Variants in LPAR1 observed in about 807,000 individuals in gnomAD.
LPAR1 encodes the protein LPA receptor 1.
A neutral mutation model predicts 23.8 loss-of-function variants in LPAR1; 5 were observed. The ratio of observed to expected loss-of-function variants is 0.21; its 90% CI spans 0.11 to 0.44. LPAR1 has a LOEUF of 0.44. Ranked by LOEUF, LPAR1 falls within the 20% of genes least tolerant of loss-of-function variation. The probability of loss-of-function intolerance (pLI) is 0.99; values close to 1 mark genes in which losing one functional copy is unlikely to be tolerated. For synonymous variants in LPAR1, 160 were observed against 164.7 expected, an observed-to-expected ratio of 0.97 and a Z score of 0.22; for missense variants, 311 against 482.8, an observed-to-expected ratio of 0.64 and a Z score of 3.33.
intron 2 of LPAR1, among the ~76,000 whole-genome samples, chr9:111,019,368 A>G (rs773695223): frequency 2.6e-5 from 4 of 152,168 alleles, no homozygotes; most frequent in Non-Finnish European, 4.4e-5. Flanking sequence ...ATTGGTTTTA[A>G]ATAAGTTGAA....
chr9:110,944,354 A>G (rs897442616), intron 4 of LPAR1, among the ~76,000 whole-genome samples: 4 of 152,242 alleles, frequency 2.6e-5, no homozygotes, highest in African/African-American at 9.6e-5. Context: ...TCTATGGACT[A>G]CATGCTAAAT....
At chr9:110,946,279 A>AG (rs2095375165) in intron 4 of LPAR1, among the ~76,000 whole-genome samples, 1 of 152,146 alleles carries the variant, frequency 6.6e-6, no homozygotes, top group Non-Finnish European at 1.5e-5. Flanking sequence ...TGAAAAACAC[A>AG]GCTCCAAACA....
At chr9:110,888,123 C>A (rs1313707281) in intron 5 of LPAR1, among the ~76,000 whole-genome samples, 1 of 152,078 alleles carries the variant, frequency 6.6e-6, no homozygotes, top group African/African-American at 2.4e-5. Context: ...TTTAGAACAA[C>A]AAATCATAAA....
intron 4 of LPAR1, among the ~76,000 whole-genome samples, chr9:110,946,377 T>A (rs1445630608): frequency 6.6e-6 from 1 of 152,136 alleles, no homozygotes; most frequent in African/African-American, 2.4e-5. Flanking sequence ...TAAAAGCAAC[T>A]AAAATGTAGG....
At chr9:110,926,965 A>G (rs891129721) in intron 5 of LPAR1, among the ~76,000 whole-genome samples, 1 of 152,232 alleles carries the variant, frequency 6.6e-6, no homozygotes, top group Non-Finnish European at 1.5e-5. Flanking sequence ...ATCCCAACAC[A>G]AAGATTCTGT....
chr9:111,004,388 T>C (rs7023788), intron 2 of LPAR1, among the ~76,000 whole-genome samples: 37,886 of 152,048 alleles, frequency 0.25, 5,730 homozygotes, highest in Non-Finnish European at 0.34. Flanking sequence ...TCTCTCTCGT[T>C]CCCCTACCCC....
chr9:110,982,855 TACACATACACAC>T (rs1395665364), intron 2 of LPAR1, among the ~76,000 whole-genome samples: 1 of 92,658 alleles, frequency 1.1e-5, no homozygotes, highest in Non-Finnish European at 2.3e-5. Context: ...AAAATGTATA[TACACATACACAC>T]ACACACACAC....
chr9:110,971,757 G>A (rs2096431214), intron 4 of LPAR1, among the ~76,000 whole-genome samples: 1 of 111,832 alleles, frequency 8.9e-6, no homozygotes, highest in Non-Finnish European at 1.9e-5. Flanking sequence ...AGCCAAGAGA[G>A]GAAAAGCAGC....
chr9:111,019,664 C>T (rs143426311), intron 2 of LPAR1, among the ~76,000 whole-genome samples: 14,999 of 151,484 alleles, frequency 0.099, 1,004 homozygotes, highest in African/African-American at 0.2. Flanking sequence ...GGTGAAACCC[C>T]GTCTCTACTA....
intron 2 of LPAR1, among the ~76,000 whole-genome samples, chr9:111,021,958 C>T (rs571416631): frequency 8.2e-4 from 80 of 97,854 alleles, no homozygotes; most frequent in Middle Eastern, 6.3e-3. Context: ...AGCGAGACTC[C>T]GTCACAAAAA....
At chr9:110,971,138 AAAAT>A (rs1475480628) in intron 4 of LPAR1, among the ~76,000 whole-genome samples, 24 of 152,208 alleles carry the variant, frequency 1.6e-4, no homozygotes, top group Non-Finnish European at 3.1e-4. Flanking sequence ...CTCTCTCAAA[AAAAT>A]AAATAAATAA....
chr9:111,029,728 G>T (rs2097762611), intron 2 of LPAR1, among the ~76,000 whole-genome samples: 1 of 152,038 alleles, frequency 6.6e-6, no homozygotes, highest in South Asian at 2.1e-4. Flanking sequence ...CAAGAGCGGG[G>T]ACCGTACTTT....
intron 4 of LPAR1, among the ~76,000 whole-genome samples, chr9:110,950,997 T>TG (rs2095552525): frequency 6.6e-6 from 1 of 152,138 alleles, no homozygotes; most frequent in African/African-American, 2.4e-5. Flanking sequence ...TAGGACATTG[T>TG]GATATTGGCA....
At chr9:110,909,069 C>G (rs546556098) in intron 5 of LPAR1, among the ~76,000 whole-genome samples, 1 of 152,322 alleles carries the variant, frequency 6.6e-6, no homozygotes, top group African/African-American at 2.4e-5. Flanking sequence ...CCTCACTCAT[C>G]ATGACTGCTT....
intron 2 of LPAR1, among the ~76,000 whole-genome samples, chr9:110,993,883 T>G (rs536633642): frequency 3.9e-5 from 6 of 152,286 alleles, no homozygotes; most frequent in African/African-American, 1.4e-4. Flanking sequence ...GAAACTAGTT[T>G]GAAAGGTACT....
intron 2 of LPAR1, among the ~76,000 whole-genome samples, chr9:110,986,193 A>G (rs2096777455): frequency 6.6e-6 from 1 of 152,052 alleles, no homozygotes; most frequent in African/African-American, 2.4e-5. Flanking sequence ...ATAAATTTGA[A>G]TTAGGATTTC....
chr9:110,878,102 C>T (rs943757806), intron 5 of LPAR1, among the ~76,000 whole-genome samples: 2 of 152,108 alleles, frequency 1.3e-5, no homozygotes, highest in African/African-American at 2.4e-5. Context: ...GATTCCTCTC[C>T]TTTATCTTCT....
At chr9:110,982,247 C>A (rs1289999015) in intron 2 of LPAR1, among the ~76,000 whole-genome samples, 5 of 152,096 alleles carry the variant, frequency 3.3e-5, no homozygotes, top group African/African-American at 1.2e-4. Context: ...AAATGATAGA[C>A]TGAATAAAGA....
At chr9:111,025,524 T>G (rs2097673135) in intron 2 of LPAR1, among the ~76,000 whole-genome samples, 1 of 152,248 alleles carries the variant, frequency 6.6e-6, no homozygotes, top group South Asian at 2.1e-4. Context: ...ATAGTTTCTT[T>G]TGCTGTGCAG....
Sources: allele counts gnomAD v4.1 joint callset (sites outside exome capture counted in the v4.1 genomes callset), GRCh38; gene constraint gnomAD v4.1.1; transcripts MANE v1.5; gene names NCBI Gene and HGNC (gene_info 2026-07-23, HGNC 2026-07-21).